BICRAL: variants seen among roughly 807,000 people sequenced by gnomAD.
BICRAL encodes BRD4-interacting chromatin-remodeling complex-associated protein-like.
BICRAL carries 8 observed loss-of-function variants against 91.8 expected under a neutral mutation model. That is an observed-to-expected ratio of 0.09 (90% CI 0.05 to 0.16). The LOEUF is 0.16. Ranked by LOEUF, BICRAL falls within the 10% of genes least tolerant of loss-of-function variation. The probability of loss-of-function intolerance (pLI) is 1.00; values close to 1 mark genes in which losing one functional copy is unlikely to be tolerated. For missense variants in BICRAL, 1,038 were observed against 1,310.9 expected, an observed-to-expected ratio of 0.79 and a Z score of 3.21; for synonymous variants, 445 against 491.1, an observed-to-expected ratio of 0.91 and a Z score of 1.24.
intron 1 of BICRAL, among the ~76,000 whole-genome samples, chr6:42,796,350 C>G (rs912871195): frequency 6.6e-6 from 1 of 152,106 alleles, no homozygotes; most frequent in Non-Finnish European, 1.5e-5. Context: ...CAGACAGCAG[C>G]CAGTGCAAAG....
At chr6:42,775,844 T>C (rs1762800478) in intron 1 of BICRAL, among the ~76,000 whole-genome samples, 1 of 152,190 alleles carries the variant, frequency 6.6e-6, no homozygotes, top group South Asian at 2.1e-4. Context: ...TAAATTCATA[T>C]ATTGAATAAA....
chr6:42,862,451 C>A, intron 11 of BICRAL, 59 bp from the exon 12 acceptor site: 2 of 1,109,986 alleles, frequency 1.8e-6, no homozygotes, highest in South Asian at 1.3e-5. Flanking sequence ...ATTATTTTTT[C>A]CAAAAGCAAC....
intron 1 of BICRAL, among the ~76,000 whole-genome samples, chr6:42,799,220 A>G (rs1487789154): frequency 6.6e-6 from 1 of 151,562 alleles, no homozygotes; most frequent in Non-Finnish European, 1.5e-5. Context: ...ATATTTTTAT[A>G]TCACATTATA....
At chr6:42,862,282 A>G (rs1765575826) in intron 11 of BICRAL, among the ~76,000 whole-genome samples, 1 of 152,106 alleles carries the variant, frequency 6.6e-6, no homozygotes, top group Admixed American at 6.6e-5. Flanking sequence ...TATGTGTGTC[A>G]GAAATATCTC....
intron 7 of BICRAL, 186 bp downstream of exon 7, chr6:42,852,383 C>A: frequency 2.9e-6 from 2 of 686,366 alleles, no homozygotes; most frequent in Middle Eastern, 2.3e-4. Context: ...AGCATTGGGC[C>A]GGGCACGGTG....
chr6:42,850,509 G>T (rs1252935009), intron 6 of BICRAL, among the ~76,000 whole-genome samples: 1 of 150,418 alleles, frequency 6.6e-6, no homozygotes, highest in South Asian at 2.1e-4. Flanking sequence ...AACGGAGCAC[G>T]ACTTCATCTT....
chr6:42,758,042 C>T (rs961968852), intron 1 of BICRAL, among the ~76,000 whole-genome samples: 1 of 152,134 alleles, frequency 6.6e-6, no homozygotes, highest in African/African-American at 2.4e-5. Flanking sequence ...TCAGAGCCAA[C>T]CACAGCACCT....
rs1310045786 is a variant in BICRAL, at chr6:42,763,163, T to C, written c.-261+16140T>C. Among the ~76,000 whole-genome samples the C allele has an allele frequency of 2.6e-5, 4 of 152,142 alleles. No individual in the cohort carries two copies. The South Asian group carries it at 8.3e-4, about 32-fold the overall frequency. On this transcript the variant is annotated intron_variant, in intron 1 of 14. Transcript: ENST00000614467. ...CTGAATCATAGCAGGAACCACGAGG[T>C]ACTTCACTTATATTATCTCATTTAA...
chr6:42,850,450 G>C (rs1470134549), intron 6 of BICRAL, among the ~76,000 whole-genome samples: 3 of 151,894 alleles, frequency 2.0e-5, no homozygotes, highest in African/African-American at 7.3e-5. Context: ...AACCTGGGTG[G>C]TGGAGGTTGC....
chr6:42,774,310 A>G (rs1329654712), intron 1 of BICRAL, among the ~76,000 whole-genome samples: 7 of 152,226 alleles, frequency 4.6e-5, no homozygotes, highest in Non-Finnish European at 8.8e-5. Flanking sequence ...AGACAAATGA[A>G]AAGTATCCAG....
At chr6:42,809,586 T>C (rs1763801012) in intron 1 of BICRAL, among the ~76,000 whole-genome samples, 1 of 151,536 alleles carries the variant, frequency 6.6e-6, no homozygotes. Context: ...GCAATTCTCC[T>C]GCCTCAGCCT....
chr6:42,758,108 C>T (rs1762488826), intron 1 of BICRAL, among the ~76,000 whole-genome samples: 2 of 152,210 alleles, frequency 1.3e-5, no homozygotes, highest in African/African-American at 4.8e-5. Context: ...TCTCTGATCT[C>T]TCTCTCTGTC....
chr6:42,827,847 T>C (rs1375580739), intron 5 of BICRAL, among the ~76,000 whole-genome samples: 1 of 152,134 alleles, frequency 6.6e-6, no homozygotes, highest in East Asian at 1.9e-4. Context: ...ATTGGGCCAC[T>C]GCACTCCAGC....
chr6:42,757,620 C>A (rs1300955791), intron 1 of BICRAL, among the ~76,000 whole-genome samples: 3 of 152,110 alleles, frequency 2.0e-5, no homozygotes, highest in Non-Finnish European at 4.4e-5. Flanking sequence ...CTCCTGGCCT[C>A]AAGTGATCTG....
chr6:42,758,409 TC>T (rs1224376893), intron 1 of BICRAL, among the ~76,000 whole-genome samples: 1 of 152,184 alleles, frequency 6.6e-6, no homozygotes, highest in African/African-American at 2.4e-5. Flanking sequence ...AGCGCCCTAC[TC>T]CAGCCACACC....
chr6:42,764,460 G>A (rs933412006), intron 1 of BICRAL, among the ~76,000 whole-genome samples: 10 of 151,874 alleles, frequency 6.6e-5, no homozygotes, highest in Non-Finnish European at 1.2e-4. Context: ...GCTGAGGTTG[G>A]AGGATCACCT....
intron 1 of BICRAL, among the ~76,000 whole-genome samples, chr6:42,770,715 C>CCCCTCTCTGA: frequency 2.0e-5 from 3 of 149,440 alleles, no homozygotes; most frequent in African/African-American, 2.5e-5. Context: ...CCCACCCGGT[C>CCCCTCTCTGA]AGTGTTTTTG....
rs534993206 is a variant in BICRAL at position 42,833,859 on chromosome 6, T to C, written c.1839+3687T>C. On this transcript the variant is annotated intron_variant, in intron 6 of 12. Transcript: ENST00000314073. ...AGTGCAAACCAATTATTATTATTAT[T>C]GTTATTATTATGAGACGGAGTTTCG... 1.6e-4 allele frequency among the ~76,000 whole-genome samples: 24 copies of C among 152,208 alleles called. No individual in the cohort carries two copies. In the South Asian group the frequency reaches 4.6e-3, roughly 29 times the overall value.
chr6:42,758,511 T>C (rs935507327), intron 1 of BICRAL, among the ~76,000 whole-genome samples: 1 of 152,130 alleles, frequency 6.6e-6, no homozygotes, highest in African/African-American at 2.4e-5. Context: ...GGTGCAGGTG[T>C]ATTGGTGAAC....
Sources: gnomAD v4.1 joint callset for allele counts (sites outside exome capture counted in the v4.1 genomes callset) on GRCh38, gnomAD v4.1.1 for gene constraint, MANE v1.5 for transcripts, NCBI Gene and HGNC (gene_info 2026-07-23, HGNC 2026-07-21) for gene names.